The following RSU1 variants were observed in gnomAD, a reference collection of about 807,000 sequenced individuals.
The protein encoded by RSU1 is Ras suppressor protein 1, also known as rsu-1.
In RSU1, 26 loss-of-function variants were observed where a neutral mutation model predicts 31.1. The observed-to-expected ratio is 0.84, with a 90% CI of 0.61 to 1.16. The LOEUF (loss-of-function observed/expected upper bound fraction) is 1.16, where lower values mean the gene tolerates loss of function less well. Among genes scored for constraint, RSU1 ranks in the 50% most tolerant of loss-of-function variants. RSU1 has a pLI of 0.00. For missense variants in RSU1, 320 were observed against 339.1 expected (o/e 0.94, Z 0.44); for synonymous variants, 164 against 136.3 (o/e 1.20, Z -1.41).
intron 7 of RSU1, among the ~76,000 whole-genome samples, chr10:16,719,788 C>G (rs1215588849): frequency 6.6e-6 from 1 of 152,156 alleles, no homozygotes; most frequent in Non-Finnish European, 1.5e-5. Flanking sequence ...CTGGCCACAT[C>G]CCACCGTTTC....
chr10:16,609,427 A>G (rs1009982171), intron 8 of RSU1, among the ~76,000 whole-genome samples: 1 of 152,186 alleles, frequency 6.6e-6, no homozygotes, highest in Non-Finnish European at 1.5e-5. Context: ...CCAAGAATCC[A>G]AAGTGTTTCA....
chr10:16,757,077 G>A (rs1360513550), intron 4 of RSU1, among the ~76,000 whole-genome samples: 1 of 107,796 alleles, frequency 9.3e-6, no homozygotes, highest in Non-Finnish European at 1.9e-5. Context: ...GTATGTGTGT[G>A]TGCTGTGGGT....
chr10:16,672,673 G>A (rs568777519), intron 8 of RSU1, among the ~76,000 whole-genome samples: 2 of 151,750 alleles, frequency 1.3e-5, no homozygotes, highest in South Asian at 4.2e-4. Context: ...TCTACAAAAT[G>A]CAAACATACA....
intron 4 of RSU1, 47 bp downstream of exon 4, chr10:16,764,343 C>A (rs1837269490): frequency 1.3e-6 from 2 of 1,550,288 alleles, no homozygotes; most frequent in Non-Finnish European, 1.7e-6. Context: ...CCGGCATGCC[C>A]CTTCCACTCT....
At chr10:16,779,228 G>C (rs1837602385) in intron 3 of RSU1, among the ~76,000 whole-genome samples, 1 of 152,166 alleles carries the variant, frequency 6.6e-6, no homozygotes, top group Non-Finnish European at 1.5e-5. Flanking sequence ...AATAGTCTTG[G>C]AGCATTAACA....
At chr10:16,657,066 G>T (rs1588698144) in intron 8 of RSU1, among the ~76,000 whole-genome samples, 1 of 152,190 alleles carries the variant, frequency 6.6e-6, no homozygotes. Flanking sequence ...TCCTGTCAGT[G>T]TAACAAGCTG....
intron 7 of RSU1, among the ~76,000 whole-genome samples, chr10:16,719,015 C>T (rs112336862): frequency 7.4e-5 from 11 of 148,216 alleles, no homozygotes; most frequent in African/African-American, 1.2e-4. Context: ...GTTGGCTGGG[C>T]GTAAGGCTCA....
intron 8 of RSU1, among the ~76,000 whole-genome samples, chr10:16,617,012 A>G (rs2131474029): frequency 6.6e-6 from 1 of 152,240 alleles, no homozygotes; most frequent in Admixed American, 6.5e-5. Context: ...AAGAGAAGGA[A>G]AGTATTCAAC....
At chr10:16,753,299 CAT>C (rs1204395231) in intron 5 of RSU1, among the ~76,000 whole-genome samples, 5 of 152,234 alleles carry the variant, frequency 3.3e-5, no homozygotes, top group African/African-American at 1.2e-4. Context: ...CTATACTTCT[CAT>C]AGATTACTTT....
chr10:16,664,454 T>C (rs1264012485), intron 8 of RSU1, among the ~76,000 whole-genome samples: 2 of 152,202 alleles, frequency 1.3e-5, no homozygotes, highest in African/African-American at 4.8e-5. Flanking sequence ...TGCCTAAAAT[T>C]TCATGTACTG....
chr10:16,780,801 G>A (rs1837633628), intron 3 of RSU1, among the ~76,000 whole-genome samples: 1 of 152,132 alleles, frequency 6.6e-6, no homozygotes, highest in Non-Finnish European at 1.5e-5. Flanking sequence ...CAATGGAACC[G>A]GCAATAAATT....
chr10:16,754,938 A>G lies in RSU1; in HGVS notation c.333T>C (p.Leu111=). ...TGTTGTACGTCAAGTCCAGAACCTC[A>G]AGAGCTGGCAGGGAGCCGAAGCCTC... ...LPRGFGSLPA[L]EVLDLTYNNL... Residue 111 remains leucine (L), a synonymous_variant, in exon 5 of 9, where the codon CTT becomes CTC. Coordinates refer to ENST00000345264, the MANE Select transcript of RSU1 (RefSeq NM_012425.4). 2 of 1,613,270 alleles carry G rather than the reference A, an allele frequency of 1.2e-6. No homozygotes were observed. The highest frequency in any genetic ancestry group is 1.7e-6 in the Non-Finnish European group (2 of 1,179,536).
intron 8 of RSU1, among the ~76,000 whole-genome samples, chr10:16,674,633 G>A (rs55733532): frequency 0.24 from 36,098 of 151,860 alleles, 4,491 homozygotes; most frequent in Middle Eastern, 0.3. Flanking sequence ...GTGGGTGGTG[G>A]GCGATGGGGT....
chr10:16,718,880 C>G (rs1836197746), intron 7 of RSU1, among the ~76,000 whole-genome samples: 1 of 151,168 alleles, frequency 6.6e-6, no homozygotes, highest in Non-Finnish European at 1.5e-5. Context: ...ACTCGAAAGG[C>G]TGGGACAGGA....
At position 16,753,004 on chromosome 10, in the gene RSU1, C is replaced by G; in HGVS notation, c.401-4G>C. Reference sequence around the variant, plus strand: ...AGATAGAGTGCACGCAGGGTGGCTGCAAATTAAACAGCAATATATAAACAG... The same window carrying G: ...AGATAGAGTGCACGCAGGGTGGCTGGAAATTAAACAGCAATATATAAACAG... On this transcript the variant is annotated splice_polypyrimidine_tract_variant and splice_region_variant and intron_variant, in intron 5 of 8. Transcript: ENST00000345264. The G allele has an allele frequency of 6.2e-7, 1 of 1,612,380 alleles. No homozygotes were observed. Among genetic ancestry groups the G allele is most frequent in the Admixed American group, 1.7e-5 (1 of 59,994 alleles).
rs57270890 is a variant in RSU1, at chr10:16,783,364, C to CTTTTTTTTTTTTTTTT, written c.110-1281_110-1280insAAAAAAAAAAAAAAAA. Among the ~76,000 whole-genome samples the CTTTTTTTTTTTTTTTT allele has an allele frequency of 1.7e-4, 23 of 132,054 alleles. 1 individual carries two copies. Among genetic ancestry groups the CTTTTTTTTTTTTTTTT allele is most frequent in the African/African-American group, 3.9e-4 (12 of 30,996 alleles). The allele number at this position is 132,054 out of a possible 152,430, so 86.6% of individuals were successfully genotyped here. A position where few individuals can be genotyped will look rare whatever the true frequency, so the allele number is the denominator to read the frequency against. On this transcript the variant is annotated intron_variant, in intron 2 of 8. Transcript: ENST00000345264. ...TCACTTCTACTGACCACAACTTTTG[C>CTTTTTTTTTTTTTTTT]TTTTTTTTTTGAGACTGAGTCTCAC...
At chr10:16,657,721 G>A (rs1212957736) in intron 8 of RSU1, among the ~76,000 whole-genome samples, 1 of 152,120 alleles carries the variant, frequency 6.6e-6, no homozygotes, top group Non-Finnish European at 1.5e-5. Flanking sequence ...GGCCAGGCAC[G>A]GTGGCTCACG....
intron 8 of RSU1, among the ~76,000 whole-genome samples, chr10:16,613,410 C>T (rs919173522): frequency 2.6e-5 from 4 of 152,150 alleles, no homozygotes; most frequent in Admixed American, 1.3e-4. Context: ...GGGTTCATGC[C>T]AAGAGTCGGC....
intron 7 of RSU1, among the ~76,000 whole-genome samples, chr10:16,718,886 C>A (rs931132855): frequency 6.0e-5 from 9 of 150,214 alleles, no homozygotes; most frequent in Admixed American, 1.3e-4. Context: ...AAGGCTGGGA[C>A]AGGAGAATTG....
Sources: gnomAD v4.1 joint callset for allele counts (sites outside exome capture counted in the v4.1 genomes callset) on GRCh38, gnomAD v4.1.1 for gene constraint, MANE v1.5 for transcripts, NCBI Gene and HGNC (gene_info 2026-07-23, HGNC 2026-07-21) for gene names.